The following IGFN1 variants were observed in gnomAD, a reference collection of about 807,000 sequenced individuals.
IGFN1 encodes immunoglobulin like and fibronectin type III domain containing 1, also known as immunoglobulin-like and fibronectin type III domain-containing protein 1.
A neutral mutation model predicts 289.5 loss-of-function variants in IGFN1; 253 were observed. The ratio of observed to expected loss-of-function variants is 0.87; its 90% CI spans 0.79 to 0.97. The LOEUF (loss-of-function observed/expected upper bound fraction) is 0.97, where lower values mean the gene tolerates loss of function less well. IGFN1 is among the 50% of genes least tolerant of loss of function. The pLI is 0.00. For missense variants in IGFN1, 4,470 were observed against 4,686.1 expected, an observed-to-expected ratio of 0.95 and a Z score of 1.35; for synonymous variants, 1,706 against 1,788.5, an observed-to-expected ratio of 0.95 and a Z score of 1.16.
At chr1:201,217,202 G>C in intron 16 of IGFN1, 85 bp from the exon 17 acceptor site, 3 of 1,226,052 alleles carry the variant, frequency 2.4e-6, no homozygotes, top group Non-Finnish European at 3.5e-6. Flanking sequence ...TGTCCCAGAT[G>C]CCTGTGCCCC....
chr1:201,228,889 T>C lies in IGFN1; in HGVS notation c.*490T>C, dbSNP rs979173925. Reference sequence around the variant, plus strand: ...GCCTCCACCTCCTGGATTCAAGAGATTCCAGGGGTGCAGCAAGTGCTTTCT... The same window carrying C: ...GCCTCCACCTCCTGGATTCAAGAGACTCCAGGGGTGCAGCAAGTGCTTTCT... On this transcript the variant is annotated 3_prime_UTR_variant, in exon 24 of 24. Coordinates refer to ENST00000335211, the MANE Select transcript of IGFN1 (RefSeq NM_001164586.2). The C allele has an allele frequency of 1.3e-5, 2 of 158,842 alleles. No individual in the cohort carries two copies. The highest frequency in any genetic ancestry group is 3.9e-4 in the South Asian group (2 of 5,126). The allele number at this position is 158,842 out of a possible 1,614,324, so 9.8% of individuals were successfully genotyped here.
At position 201,221,702 on chromosome 1, in the gene IGFN1, A is replaced by G; in HGVS notation, c.10157A>G (p.Gln3386Arg). 6.2e-7 allele frequency: 1 copy of G among 1,612,236 alleles called. No homozygotes were observed. The highest frequency in any genetic ancestry group is 8.5e-7 in the Non-Finnish European group (1 of 1,178,978). Residue 3386 changes from glutamine (Q) to arginine (R), a missense_variant, in exon 19 of 24, where the codon CAG (glutamine) becomes CGG (arginine). Around this residue, in one of 8 missense-constraint regions of IGFN1, gnomAD observed 2,218 missense variants for 2,114.1 expected, o/e 1.05. Transcript: ENST00000335211. ...VTAVNEGGQS[Q>R]PSALDTLVQA... ...GCAGTTAATGAAGGAGGCCAGAGCC[A>G]GCCCAGTGCCCTGGACACATTAGTG...
rs910544197 is a variant in IGFN1 at position 201,206,300 on chromosome 1, C to A, written c.1407C>A (p.Gly469=). ...SPDRDGLGRH[G]YSLMGDKGTA... is the part of the protein sequence containing the mutation. ...ACAGGGATGGCCTTGGCAGACATGG[C>A]TACTCCTTGATGGGGGACAAAGGGA... Residue 469 remains glycine, a synonymous_variant, in exon 12 of 24, where the codon GGC becomes GGA. Coordinates refer to ENST00000335211, the MANE Select transcript of IGFN1 (RefSeq NM_001164586.2). 2.6e-6 allele frequency: 4 copies of A among 1,549,964 alleles called. No individual in the cohort carries two copies. The African/African-American group carries it at 5.5e-5, about 21-fold the overall frequency.
intron 20 of IGFN1, 149 bp downstream of exon 20, chr1:201,222,976 T>C (rs2102369447): frequency 1.9e-6 from 1 of 525,944 alleles, no homozygotes; most frequent in East Asian, 3.2e-5. Flanking sequence ...GGAAATCAGG[T>C]GAGAGACATG....
Position 201,206,315 on chromosome 1 carries a change from G to T in IGFN1, c.1422G>T (p.Gly474=). The part of the protein sequence containing the change: ...GLGRHGYSLM[G]DKGTADSAWG... ...GCAGACATGGCTACTCCTTGATGGGGGACAAAGGGACAGCTGACTCAGCCT... is the reference window on the plus strand; with the variant it reads ...GCAGACATGGCTACTCCTTGATGGGTGACAAAGGGACAGCTGACTCAGCCT... The change falls in exon 12 of 24, where the codon GGG becomes GGT. Residue 474 remains glycine (G), a synonymous_variant. Transcript: ENST00000335211. The T allele has an allele frequency of 6.5e-7, 1 of 1,550,334 alleles. No homozygotes were observed. The highest frequency in any genetic ancestry group is 1.2e-5 in the South Asian group (1 of 84,052).
rs765677555 is a variant in IGFN1 at position 201,226,123 on chromosome 1, G to A, written c.10786G>A (p.Asp3596Asn). The change falls in exon 22 of 24, where the codon GAC becomes AAC. Residue 3596 changes from aspartate to asparagine, a missense_variant and splice_region_variant. By Grantham distance (23) the Asp-to-Asn change is conservative. Coordinates refer to ENST00000335211, the MANE Select transcript of IGFN1 (RefSeq NM_001164586.2). ...SQPWCIPRQR[D>N]RFTVKAPCYR... ...GCCCTGGTGCATCCCCCGGCAGCGC[G>A]GTAAGCAGCCCCTGAGAGGGAGGAG... 2.4e-5 allele frequency: 38 copies of A among 1,585,742 alleles called. No individual in the cohort carries two copies. The highest frequency in any genetic ancestry group is 9.4e-5 in the African/African-American group (7 of 74,390).
Position 201,200,250 on chromosome 1 carries a change from CCCA to C in IGFN1, c.473_475del (p.Pro158_Lys159delinsGln), listed in dbSNP as rs1241408483. 1 of 1,551,554 alleles carries C rather than the reference CCCA, an allele frequency of 6.4e-7. No homozygotes were observed. The highest frequency in any genetic ancestry group is 8.7e-7 in the Non-Finnish European group (1 of 1,146,928). ...CTTGCTCCCCAGGGCCCCACCAGCC[CCCA>C]AGAAAAAGATGGACCTTGAGCAGAT... On this transcript the variant is annotated inframe_deletion, in exon 8 of 24. Coordinates refer to ENST00000335211, the MANE Select transcript of IGFN1 (RefSeq NM_001164586.2).
rs1339498249 is a variant in IGFN1, at chr1:201,211,160, G to A, written c.6267G>A (p.Arg2089=). The A allele has an allele frequency of 3.3e-6, 5 of 1,531,216 alleles. No individual in the cohort carries two copies. The highest frequency in any genetic ancestry group is 3.5e-6 in the Non-Finnish European group (4 of 1,143,346). The allele number at this position is 1,531,216 out of a possible 1,614,324, so 94.9% of individuals were successfully genotyped here. A position where few individuals can be genotyped will look rare whatever the true frequency, so the allele number is the denominator to read the frequency against. The part of the protein sequence containing the change: ...GMGSGSKTGF[R]DGLGGSEEME... ...GTTCAGGGAGTAAGACAGGTTTCAG[G>A]GATGGTTTAGGGGGTTCTGAAGAAA... Residue 2089 remains arginine (R), a synonymous_variant, in exon 12 of 24, where the codon AGG becomes AGA. Transcript: ENST00000335211.
Position 201,216,528 on chromosome 1 carries a change from C to T in IGFN1, c.9370C>T (p.Pro3124Ser), listed in dbSNP as rs759990640. 7 of 1,611,458 alleles carry T rather than the reference C, an allele frequency of 4.3e-6. No homozygotes were observed. The highest frequency in any genetic ancestry group is 1.1e-5 in the South Asian group (1 of 90,972). ...HRAGVCLRWR[P>S]PRDNGGRTVE... ...GGCTGGCGTCTGCCTCCGCTGGCGG[C>T]CCCCAAGGGACAATGGGGGCCGGAC... The change falls in exon 16 of 24, where the codon CCC becomes TCC. Residue 3124 changes from proline to serine, a missense_variant. Coordinates refer to ENST00000335211, the MANE Select transcript of IGFN1 (RefSeq NM_001164586.2).
Position 201,211,929 on chromosome 1 carries a change from G to A in IGFN1, c.7036G>A (p.Gly2346Arg), listed in dbSNP as rs1252325973. 3 of 1,527,320 alleles carry A rather than the reference G, an allele frequency of 2.0e-6. No homozygotes were observed. In the South Asian group the frequency reaches 3.6e-5, roughly 19 times the overall value. The allele number at this position is 1,527,320 out of a possible 1,614,324, so 94.6% of individuals were successfully genotyped here. A position where few individuals can be genotyped will look rare whatever the true frequency, so the allele number is the denominator to read the frequency against. Residue 2346 changes from glycine to arginine, a missense_variant, in exon 12 of 24, where the codon GGA becomes AGA. Transcript: ENST00000335211. ...SEVSYRGGSGGSGETGPEGKM... is the reference protein window; with the variant it reads ...SEVSYRGGSGRSGETGPEGKM... ...GGTCAGTTATAGAGGAGGCTCAGGAGGATCTGGGGAAACGGGACCAGAGGG... is the reference window on the plus strand; with the variant it reads ...GGTCAGTTATAGAGGAGGCTCAGGAAGATCTGGGGAAACGGGACCAGAGGG...
Position 201,211,483 on chromosome 1 carries a change from G to T in IGFN1, c.6590G>T (p.Arg2197Met). Residue 2197 changes from arginine to methionine, a missense_variant, in exon 12 of 24, where the codon AGG (arginine) becomes ATG (methionine). Around this residue, in one of 8 missense-constraint regions of IGFN1, gnomAD observed 2,218 missense variants for 2,114.1 expected, o/e 1.05. Coordinates refer to ENST00000335211, the MANE Select transcript of IGFN1 (RefSeq NM_001164586.2). ...GMGSGSKAGF[R>M]DGLGGSEEMG... is the part of the protein sequence containing the mutation. ...GGTTCAGGGAGTAAGGCAGGTTTCAGGGATGGTTTAGGGGGTTCTGAAGAA... is the reference window on the plus strand; with the variant it reads ...GGTTCAGGGAGTAAGGCAGGTTTCATGGATGGTTTAGGGGGTTCTGAAGAA... 6.7e-7 allele frequency: 1 copy of T among 1,503,354 alleles called. No homozygotes were observed. The highest frequency in any genetic ancestry group is 1.2e-5 in the South Asian group (1 of 80,420). 93.1% of individuals were successfully genotyped at this position (1,503,354 alleles called of 1,614,324 possible).
At chr1:201,226,796 T>C (rs1654123565) in intron 22 of IGFN1, 86 bp from the exon 23 acceptor site, 4 of 1,062,630 alleles carry the variant, frequency 3.8e-6, no homozygotes, top group Non-Finnish European at 5.5e-6. Context: ...ACATGGTAGC[T>C]TCATGAACTC....
Position 201,212,668 on chromosome 1 carries a change from C to A in IGFN1, c.7775C>A (p.Ser2592Ter). The A allele has an allele frequency of 6.5e-7, 1 of 1,542,860 alleles. No individual in the cohort carries two copies. The highest frequency in any genetic ancestry group is 1.2e-5 in the South Asian group (1 of 82,534). ...GGCAGAAGGGTAGGCTCAGGGAGTT[C>A]AGTGGGGACAGGTCAGGATCTGGAC... ...LGGRRVGSGS[S>*]VGTGQDLDSG... The change falls in exon 12 of 24, where the codon TCA (serine) becomes TAA (stop). Residue 2592 changes from serine to a stop codon, truncating the protein, a stop_gained. Transcript: ENST00000335211. LOFTEE classifies it high-confidence loss of function.
chr1:201,209,341 G>A lies in IGFN1; in HGVS notation c.4448G>A (p.Arg1483Lys). ...GSKAGYRGGLRGSGEMGLIEA... is the reference protein window; with the variant it reads ...GSKAGYRGGLKGSGEMGLIEA... ...AAGGCAGGTTACAGGGGTGGTTTAA[G>A]GGGTTCTGGGGAAATGGGGTTAATT... is the stretch of plus-strand genomic sequence containing the variant. The change falls in exon 12 of 24, where the codon AGG becomes AAG. Residue 1483 changes from arginine (R) to lysine (K), a missense_variant. By Grantham distance (26) the Arg-to-Lys change is conservative. Coordinates refer to ENST00000335211, the MANE Select transcript of IGFN1 (RefSeq NM_001164586.2). 6.7e-7 allele frequency: 1 copy of A among 1,487,028 alleles called. No homozygotes were observed. Among genetic ancestry groups the A allele is most frequent in the Non-Finnish European group, 8.9e-7 (1 of 1,127,186 alleles). 92.1% of individuals were successfully genotyped at this position (1,487,028 alleles called of 1,614,324 possible).
chr1:201,210,058 C>A lies in IGFN1; in HGVS notation c.5165C>A (p.Ser1722Ter). 7.0e-7 allele frequency: 1 copy of A among 1,421,142 alleles called. No individual in the cohort carries two copies. The highest frequency in any genetic ancestry group is 9.2e-7 in the Non-Finnish European group (1 of 1,088,146). 88.0% of individuals were successfully genotyped at this position (1,421,142 alleles called of 1,614,324 possible). Reference sequence around the variant, plus strand: ...TTGGGGGCTCCTGAGGGAATGGGTTCAGGGAGTAAGGCAGGTTTCAGGGAT... The same window carrying A: ...TTGGGGGCTCCTGAGGGAATGGGTTAAGGGAGTAAGGCAGGTTTCAGGGAT... ...KDLGAPEGMG[S>*]GSKAGFRDGL... Residue 1722 changes from serine to a stop codon, truncating the protein, a stop_gained, in exon 12 of 24, where the codon TCA (serine) becomes TAA (stop). Coordinates refer to ENST00000335211, the MANE Select transcript of IGFN1 (RefSeq NM_001164586.2). LOFTEE classifies it high-confidence loss of function.
Position 201,208,681 on chromosome 1 carries a change from G to T in IGFN1, c.3788G>T (p.Gly1263Val). Reference protein sequence around the residue: ...RDGSGGLQGMGSADGPGCRKG... With the variant: ...RDGSGGLQGMVSADGPGCRKG... ...GGTTCAGGAGGCCTCCAAGGAATGGGATCAGCAGATGGGCCAGGTTGTAGG... is the reference window on the plus strand; with the variant it reads ...GGTTCAGGAGGCCTCCAAGGAATGGTATCAGCAGATGGGCCAGGTTGTAGG... Residue 1263 changes from glycine (G) to valine (V), a missense_variant, in exon 12 of 24, where the codon GGA becomes GTA. Physicochemically the swap from Gly to Val is moderately radical, Grantham distance 109. This residue lies in a region of IGFN1 where 2,011 missense variants were observed against 1,953.4 expected (regional missense o/e 1.03). Coordinates refer to ENST00000335211, the MANE Select transcript of IGFN1 (RefSeq NM_001164586.2). The T allele has an allele frequency of 6.5e-7, 1 of 1,537,018 alleles. No individual in the cohort carries two copies. Among genetic ancestry groups the T allele is most frequent in the Non-Finnish European group, 8.7e-7 (1 of 1,146,792 alleles).
At chr1:201,200,055 C>T (rs924810493) in intron 7 of IGFN1, among the ~76,000 whole-genome samples, 182 bp from the exon 8 acceptor site, 6 of 152,204 alleles carry the variant, frequency 3.9e-5, no homozygotes, top group African/African-American at 7.2e-5. Flanking sequence ...GGCTGAGGCT[C>T]GCCCCACCCA....
intron 18 of IGFN1, among the ~76,000 whole-genome samples, chr1:201,221,110 T>C (rs917396258): frequency 3.3e-5 from 5 of 152,172 alleles, no homozygotes; most frequent in African/African-American, 9.7e-5. Flanking sequence ...TACGGGATAA[T>C]GGAACCCAAG....
In IGFN1 at chr1:201,217,368, GC is replaced by G; in HGVS notation, c.9681del (p.Gly3228AlafsTer9). On this transcript the variant is annotated frameshift_variant, in exon 17 of 24. Transcript: ENST00000335211. LOFTEE classifies it high-confidence loss of function. The stretch of plus-strand genomic sequence containing the variant: ...ACACTGACATGGACAGCACCTCGGG[GC>G]CCCGGCAGCGCCCACATCCTGGGCT... ...GITLTWTAPR[G>X]PGSAHILGYL... The G allele has an allele frequency of 6.2e-7, 1 of 1,614,170 alleles. No individual in the cohort carries two copies. The highest frequency in any genetic ancestry group is 8.5e-7 in the Non-Finnish European group (1 of 1,180,012).
Sources: allele counts gnomAD v4.1 joint callset (sites outside exome capture counted in the v4.1 genomes callset), GRCh38; gene constraint gnomAD v4.1.1; regional missense constraint gnomAD v4.1.1; transcripts MANE v1.5; gene names NCBI Gene and HGNC (gene_info 2026-07-23, HGNC 2026-07-21).